Variants in ZCCHC10 observed in about 807,000 individuals in gnomAD.
ZCCHC10 encodes the protein zinc finger CCHC domain-containing protein 10.
Under a neutral mutation model 19.5 loss-of-function variants are expected in ZCCHC10, and 16 were observed. The ratio of observed to expected loss-of-function variants is 0.82; its 90% confidence interval spans 0.56 to 1.25. The LOEUF (loss-of-function observed/expected upper bound fraction) is 1.25, where lower values mean the gene tolerates loss of function less well. ZCCHC10 is among the 50% of genes most tolerant of loss of function. The pLI, the probability that ZCCHC10 is intolerant of heterozygous loss-of-function variation, is 0.00. For synonymous variants in ZCCHC10, 67 were observed against 72.5 expected, an observed-to-expected ratio of 0.92 and a Z score of 0.38; for missense variants, 197 against 201.0, an observed-to-expected ratio of 0.98 and a Z score of 0.12.
chr5:133,024,180 A>G (rs984974996), intron 1 of ZCCHC10, among the ~76,000 whole-genome samples: 1 of 152,242 alleles, frequency 6.6e-6, no homozygotes, highest in Admixed American at 6.5e-5. Flanking sequence ...AAATAGCAGT[A>G]TTATTCAGAT....
intron 2 of ZCCHC10, among the ~76,000 whole-genome samples, chr5:133,014,049 C>T (rs967499112): frequency 6.6e-6 from 1 of 152,022 alleles, no homozygotes; most frequent in African/African-American, 2.4e-5. Flanking sequence ...CTTGATTCCT[C>T]ATCAACCCAG....
chr5:133,010,606 C>T (rs1240077459), intron 2 of ZCCHC10, among the ~76,000 whole-genome samples: 1 of 151,946 alleles, frequency 6.6e-6, no homozygotes, highest in Non-Finnish European at 1.5e-5. Context: ...CATATAAAGA[C>T]GAATTGAGTT....
intron 2 of ZCCHC10, among the ~76,000 whole-genome samples, chr5:133,015,079 T>G (rs1050965001): frequency 2.0e-4 from 30 of 147,504 alleles, no homozygotes; most frequent in Non-Finnish European, 1.1e-4. Context: ...ACTGTGAGGT[T>G]TTTTTTTTTT....
intron 3 of ZCCHC10, 126 bp from the exon 4 acceptor site, chr5:133,000,299 A>C (rs1762686099): frequency 2.9e-6 from 3 of 1,040,714 alleles, no homozygotes; most frequent in Non-Finnish European, 4.2e-6. Flanking sequence ...TATCACATAC[A>C]GAGTACAGTA....
In ZCCHC10 at chr5:133,000,128, A is replaced by T. The variant is rs777623568; in HGVS notation, c.311+4T>A. The T allele has an allele frequency of 6.2e-7, 1 of 1,613,796 alleles. No homozygotes were observed. Among genetic ancestry groups the T allele is most frequent in the Non-Finnish European group, 8.5e-7 (1 of 1,179,926 alleles). Reference sequence around the variant, plus strand: ...CTATAAAACACTGCTAAAACCACACATACCTTTTTTTCTTGGCCTTTCTTT... The same window carrying T: ...CTATAAAACACTGCTAAAACCACACTTACCTTTTTTTCTTGGCCTTTCTTT... On this transcript the variant is annotated splice_donor_region_variant and intron_variant, in intron 4 of 4. Coordinates refer to ENST00000509437, the MANE Select transcript of ZCCHC10 (RefSeq NM_001300816.3).
intron 3 of ZCCHC10, among the ~76,000 whole-genome samples, chr5:133,003,881 T>C (rs1762935241): frequency 6.6e-6 from 1 of 152,038 alleles, no homozygotes; most frequent in Admixed American, 6.6e-5. Context: ...AGCTAATTTT[T>C]GTATTTTTAG....
chr5:133,019,005 A>C, intron 2 of ZCCHC10: 1 of 432,160 alleles, frequency 2.3e-6, no homozygotes, highest in Non-Finnish European at 4.6e-6. Context: ...GTAGCTTGGG[A>C]CCCTAGTCAT....
chr5:133,003,473 TG>T (rs1466871039), intron 3 of ZCCHC10: 1 of 212,090 alleles, frequency 4.7e-6, no homozygotes, highest in East Asian at 1.4e-4. Flanking sequence ...CATGAAATCA[TG>T]TTGAGGTAAT....
intron 2 of ZCCHC10, among the ~76,000 whole-genome samples, chr5:133,014,233 C>T (rs951905825): frequency 6.9e-6 from 1 of 145,374 alleles, no homozygotes; most frequent in African/African-American, 2.6e-5. Context: ...GATTTCAGCT[C>T]GCTACAACCT....
At chr5:133,010,924 T>A (rs1581400719) in intron 2 of ZCCHC10, among the ~76,000 whole-genome samples, 1 of 152,214 alleles carries the variant, frequency 6.6e-6, no homozygotes, top group East Asian at 1.9e-4. Context: ...CCCAAGTAGC[T>A]GGGATTACAG....
intron 2 of ZCCHC10, among the ~76,000 whole-genome samples, chr5:133,015,319 T>C (rs1763851019): frequency 6.6e-6 from 1 of 152,178 alleles, no homozygotes; most frequent in Non-Finnish European, 1.5e-5. Flanking sequence ...CCTCAAGTGA[T>C]CTGGCTGACT....
intron 3 of ZCCHC10, among the ~76,000 whole-genome samples, chr5:133,001,679 A>C (rs150464007): frequency 9.0e-4 from 136 of 151,924 alleles, no homozygotes; most frequent in African/African-American, 3.1e-3. Context: ...CTGGTCCTGA[A>C]CTCCTAAGCT....
chr5:133,026,353 C>T, intron 1 of ZCCHC10, 144 bp downstream of exon 1: 1 of 1,208,836 alleles, frequency 8.3e-7, no homozygotes, highest in Non-Finnish European at 1.2e-6. Context: ...ACTTATCGCC[C>T]GGGCCCGAGC....
chr5:133,005,568 T>C (rs886937352), intron 3 of ZCCHC10, among the ~76,000 whole-genome samples: 2 of 152,196 alleles, frequency 1.3e-5, no homozygotes, highest in Non-Finnish European at 2.9e-5. Context: ...GAGCTGAGAC[T>C]GCACTCCAGA....
At chr5:133,021,448 A>G (rs1764305097) in intron 2 of ZCCHC10, among the ~76,000 whole-genome samples, 3 of 152,230 alleles carry the variant, frequency 2.0e-5, no homozygotes, top group Admixed American at 1.3e-4. Flanking sequence ...GATGACCTAA[A>G]TAAATGGCGA....
Position 133,024,821 on chromosome 5 carries a change from T to C in ZCCHC10, c.41+1676A>G, listed in dbSNP as rs551649595. ...GGGAGGCTGAGGCAGGAGAATCATT[T>C]GAACCAGGGAGGCAGAGGTTGCAGT... On this transcript the variant is annotated intron_variant, in intron 1 of 4. Coordinates refer to ENST00000509437, the MANE Select transcript of ZCCHC10 (RefSeq NM_001300816.3). 2.0e-5 allele frequency among the ~76,000 whole-genome samples: 3 copies of C among 152,140 alleles called. No homozygotes were observed. In the East Asian group the frequency reaches 5.8e-4, roughly 29 times the overall value.
intron 2 of ZCCHC10, among the ~76,000 whole-genome samples, chr5:133,019,529 G>A (rs1261247343): frequency 6.6e-6 from 1 of 152,152 alleles, no homozygotes; most frequent in African/African-American, 2.4e-5. Flanking sequence ...TATTGGCAAA[G>A]TTGTTTTTTT....
chr5:133,007,189 T>G (rs1170898848), intron 2 of ZCCHC10, among the ~76,000 whole-genome samples: 1 of 152,082 alleles, frequency 6.6e-6, no homozygotes, highest in Non-Finnish European at 1.5e-5. Flanking sequence ...TAGGGGCAAG[T>G]CTTTCCTGTG....
At chr5:133,026,250 C>T (rs1024326578) in intron 1 of ZCCHC10, among the ~76,000 whole-genome samples, 1 of 152,228 alleles carries the variant, frequency 6.6e-6, no homozygotes, top group African/African-American at 2.4e-5. Context: ...TCAGAGAAAC[C>T]AAACGCGACA....
Sources: allele counts gnomAD v4.1 joint callset (sites outside exome capture counted in the v4.1 genomes callset), GRCh38; gene constraint gnomAD v4.1.1; transcripts MANE v1.5; gene names NCBI Gene and HGNC (gene_info 2026-07-23, HGNC 2026-07-21).